AOX1: variants seen among roughly 807,000 people sequenced by gnomAD.
The protein encoded by AOX1 is aldehyde oxidase.
Under a neutral mutation model 169.5 loss-of-function variants are expected in AOX1, and 153 were observed. The observed-to-expected ratio is 0.90, with a 90% CI of 0.79 to 1.03. The LOEUF (loss-of-function observed/expected upper bound fraction) is 1.03. Ranked by LOEUF, AOX1 falls within the 50% of genes least tolerant of loss-of-function variation. The probability of loss-of-function intolerance (pLI) is 0.00; values close to 1 mark genes in which losing one functional copy is unlikely to be tolerated. For missense variants in AOX1, 1,656 were observed against 1,663.9 expected, an observed-to-expected ratio of 1.00 and a Z score of 0.08; for synonymous variants, 562 against 581.9, an observed-to-expected ratio of 0.97 and a Z score of 0.49.
At position 200,671,141 on chromosome 2, in the gene AOX1, C is replaced by G. The variant is rs560679772; in HGVS notation, c.*462C>G. ...CCTCTTGTCAGAATGAATATAGACA[C>G]TGTATCTAAGTGGGACCAAAGAAAA... On this transcript the variant is annotated 3_prime_UTR_variant, in exon 35 of 35. Coordinates refer to ENST00000374700, the MANE Select transcript of AOX1 (RefSeq NM_001159.4). 3 of 153,796 alleles carry G rather than the reference C, an allele frequency of 2.0e-5. No homozygotes were observed. The highest frequency in any genetic ancestry group is 1.9e-4 in the Admixed American group (3 of 15,498). 9.5% of individuals were successfully genotyped at this position (153,796 alleles called of 1,614,324 possible).
intron 20 of AOX1, among the ~76,000 whole-genome samples, chr2:200,632,192 T>TATCC (rs1227243979): frequency 6.6e-6 from 1 of 152,034 alleles, no homozygotes; most frequent in African/African-American, 2.4e-5. Flanking sequence ...TTCCTGTGGG[T>TATCC]TGCCTGAATA....
intron 5 of AOX1, among the ~76,000 whole-genome samples, chr2:200,601,021 C>T (rs185162570): frequency 6.7e-6 from 1 of 149,296 alleles, no homozygotes; most frequent in African/African-American, 2.5e-5. Context: ...TAATAACTAC[C>T]TTTGCTGCTG....
intron 25 of AOX1, among the ~76,000 whole-genome samples, 178 bp downstream of exon 25, chr2:200,642,979 CTCA>C (rs1302276960): frequency 1.3e-5 from 2 of 152,258 alleles, no homozygotes; most frequent in South Asian, 4.2e-4. Flanking sequence ...ACTCACCTTA[CTCA>C]GACTCCTGCT....
intron 17 of AOX1, 76 bp from the exon 18 acceptor site, chr2:200,621,043 CA>C: frequency 6.7e-7 from 1 of 1,503,660 alleles, no homozygotes; most frequent in Non-Finnish European, 9.0e-7. Context: ...TTACCTCTCT[CA>C]TATCTTATTA....
At chr2:200,681,556 C>A (rs1211659941), downstream of AOX1, 1 of 152,598 alleles carries the variant, frequency 6.6e-6, no homozygotes, top group East Asian at 1.9e-4. Context: ...GATGCTGGAG[C>A]ATTTTCATCC....
chr2:200,657,450 A>G (rs2035719198), intron 27 of AOX1, among the ~76,000 whole-genome samples: 1 of 151,990 alleles, frequency 6.6e-6, no homozygotes, highest in Non-Finnish European at 1.5e-5. Context: ...AAACAAACCA[A>G]TTTTGCAACT....
At chr2:200,613,537 G>T (rs2034688843) in intron 14 of AOX1, among the ~76,000 whole-genome samples, 1 of 152,092 alleles carries the variant, frequency 6.6e-6, no homozygotes, top group African/African-American at 2.4e-5. Context: ...GTTACTCCTG[G>T]ACTGTGGATT....
chr2:200,648,755 T>C (rs550867781), intron 25 of AOX1, among the ~76,000 whole-genome samples: 3 of 152,084 alleles, frequency 2.0e-5, no homozygotes, highest in South Asian at 4.2e-4. Context: ...CTTGGGTGGG[T>C]CTTGCTGTGG....
chr2:200,667,423 G>C (rs922587366), intron 32 of AOX1, among the ~76,000 whole-genome samples: 1 of 151,868 alleles, frequency 6.6e-6, no homozygotes, highest in African/African-American at 2.4e-5. Flanking sequence ...CTCTGATTTA[G>C]GGCACCATCT....
chr2:200,677,184 A>G, downstream of AOX1: 1 of 289,582 alleles, frequency 3.5e-6, no homozygotes, highest in South Asian at 2.9e-5. Flanking sequence ...CTGTATCTGT[A>G]GTCCTTAGGG....
chr2:200,609,899 CTA>C (rs1333964291), intron 12 of AOX1, among the ~76,000 whole-genome samples: 1 of 152,124 alleles, frequency 6.6e-6, no homozygotes, highest in Non-Finnish European at 1.5e-5. Context: ...GTTATTAAAA[CTA>C]AGTCCACAAC....
At chr2:200,675,937 C>G (rs1445677920), downstream of AOX1, among the ~76,000 whole-genome samples, 2 of 150,584 alleles carry the variant, frequency 1.3e-5, no homozygotes, top group Non-Finnish European at 3.0e-5. Flanking sequence ...TTGCACCAAC[C>G]TATAACTTGA....
chr2:200,659,135 T>C, intron 27 of AOX1, 30 bp from the exon 28 acceptor site: 1 of 1,610,044 alleles, frequency 6.2e-7, no homozygotes, highest in Non-Finnish European at 8.5e-7. Flanking sequence ...AATCAAAGTG[T>C]TTAAAAGGAA....
At chr2:200,645,267 GA>G (rs2035429091) in intron 25 of AOX1, among the ~76,000 whole-genome samples, 1 of 152,132 alleles carries the variant, frequency 6.6e-6, no homozygotes, top group African/African-American at 2.4e-5. Context: ...ATTTTGCTGA[GA>G]GTTTTAATCA....
chr2:200,670,522 C>T, intron 34 of AOX1, 107 bp from the exon 35 acceptor site: 2 of 849,046 alleles, frequency 2.4e-6, no homozygotes, highest in South Asian at 3.0e-5. Context: ...CCTGTCATGG[C>T]CCTGGTTGCC....
At chr2:200,656,550 T>A (rs1191144351) in intron 26 of AOX1, among the ~76,000 whole-genome samples, 2 of 152,186 alleles carry the variant, frequency 1.3e-5, no homozygotes, top group African/African-American at 4.8e-5. Context: ...TATGGGATTA[T>A]AAGAAAATGG....
At chr2:200,627,495 A>C in intron 20 of AOX1, 46 bp downstream of exon 20, 2 of 1,394,662 alleles carry the variant, frequency 1.4e-6, no homozygotes, top group Non-Finnish European at 2.0e-6. Flanking sequence ...TCTTCTAAGC[A>C]TGTCAGTTTA....
intron 15 of AOX1, among the ~76,000 whole-genome samples, chr2:200,614,603 A>G (rs1045315462): frequency 6.6e-6 from 1 of 152,194 alleles, no homozygotes; most frequent in Admixed American, 6.5e-5. Context: ...GAATAAATCC[A>G]TTAGACCCAA....
chr2:200,672,193 G>A (rs1374882833), downstream of AOX1, among the ~76,000 whole-genome samples: 1 of 152,200 alleles, frequency 6.6e-6, no homozygotes. Flanking sequence ...TGAGAAAAAT[G>A]TTCTAGAATG....
Sources: allele counts gnomAD v4.1 joint callset (sites outside exome capture counted in the v4.1 genomes callset), GRCh38; gene constraint gnomAD v4.1.1; transcripts MANE v1.5; gene names NCBI Gene and HGNC (gene_info 2026-07-23, HGNC 2026-07-21).